SELE: variants seen among roughly 807,000 people sequenced by gnomAD.
The protein encoded by SELE is E-selectin.
In SELE, 52 loss-of-function variants were observed where a neutral mutation model predicts 75.8. The observed-to-expected ratio is 0.69, with a 90% CI of 0.55 to 0.86. The LOEUF is 0.86. Ranked by LOEUF, SELE falls within the 40% of genes least tolerant of loss-of-function variation. The pLI is 0.00. For synonymous variants in SELE, 285 were observed against 258.7 expected, an observed-to-expected ratio of 1.10 and a Z score of -0.98; for missense variants, 754 against 732.7, an observed-to-expected ratio of 1.03 and a Z score of -0.34.
chr1:169,729,640 T>C lies in SELE; in HGVS notation c.749A>G (p.Asn250Ser). 1 of 1,614,148 alleles carries C rather than the reference T, an allele frequency of 6.2e-7. No homozygotes were observed. The highest frequency in any genetic ancestry group is 8.5e-7 in the Non-Finnish European group (1 of 1,179,984). The change falls in exon 6 of 14, where the codon AAT becomes AGT. Residue 250 changes from asparagine to serine, a missense_variant. Transcript: ENST00000333360. ...GTTTTGGAAACATTCCACGAACCCA[T>C]TGGCTGGATTTGTCACAGCATCACA... ...VECDAVTNPA[N>S]GFVECFQNPG...
At chr1:169,724,773 G>T (rs1404295520) in intron 13 of SELE, among the ~76,000 whole-genome samples, 1 of 152,188 alleles carries the variant, frequency 6.6e-6, no homozygotes. Flanking sequence ...CCCATCAGTT[G>T]TAACACTAAT....
chr1:169,724,613 C>A (rs1456848197), intron 13 of SELE, 104 bp from the exon 14 acceptor site: 1 of 152,166 alleles, frequency 6.6e-6, no homozygotes. Context: ...TAGGATAGAC[C>A]ATGTAGGAAC....
chr1:169,724,974 A>G (rs980967498), intron 13 of SELE, among the ~76,000 whole-genome samples: 2 of 152,238 alleles, frequency 1.3e-5, no homozygotes, highest in African/African-American at 2.4e-5. Context: ...GTAGTTAAGA[A>G]CACAAATTTT....
Position 169,727,404 on chromosome 1 carries a change from T to A in SELE, c.1590A>T (p.Ala530=). 6.2e-7 allele frequency: 1 copy of A among 1,614,184 alleles called. No homozygotes were observed. The highest frequency in any genetic ancestry group is 1.7e-4 in the Middle Eastern group (1 of 6,060). Reference sequence around the variant, plus strand: ...GTCCTGTGGCTCCACATGTCCGAGCTGCAGAGCCATTGAGCGTCCATCCTT... The same window carrying A: ...GTCCTGTGGCTCCACATGTCCGAGCAGCAGAGCCATTGAGCGTCCATCCTT... ...CPEGWTLNGS[A]ARTCGATGHW... is the part of the protein sequence containing the mutation. The change falls in exon 10 of 14, where the codon GCA becomes GCT. Residue 530 remains alanine (A), a synonymous_variant. Coordinates refer to ENST00000333360, the MANE Select transcript of SELE (RefSeq NM_000450.2).
intron 5 of SELE, 28 bp downstream of exon 5, chr1:169,730,404 C>T (rs562144319): frequency 3.0e-5 from 45 of 1,523,686 alleles, no homozygotes; most frequent in Middle Eastern, 1.8e-4. Context: ...AGTTACAGAA[C>T]GTTCTGTGCA....
chr1:169,730,067 G>A (rs1298200716), intron 5 of SELE, among the ~76,000 whole-genome samples: 1 of 152,064 alleles, frequency 6.6e-6, no homozygotes, highest in African/African-American at 2.4e-5. Context: ...AATTAAGAGA[G>A]AAAAAGAGAT....
chr1:169,729,026 G>A (rs1648842675), intron 7 of SELE, among the ~76,000 whole-genome samples, 160 bp downstream of exon 7: 1 of 151,594 alleles, frequency 6.6e-6, no homozygotes, highest in Admixed American at 6.6e-5. Flanking sequence ...TCCTTTCCCT[G>A]GCCAAACATT....
At chr1:169,725,961 A>G in intron 11 of SELE, 33 bp from the exon 12 acceptor site, 1 of 1,612,886 alleles carries the variant, frequency 6.2e-7, no homozygotes, top group Non-Finnish European at 8.5e-7. Context: ...CCATTAATTC[A>G]GACTAAATGA....
chr1:169,725,731 G>T lies in SELE; in HGVS notation c.*13C>A. On this transcript the variant is annotated splice_region_variant and 3_prime_UTR_variant, in exon 13 of 14. Transcript: ENST00000333360. ...CATTTGTGATTTACAAGTCTTACCT[G>T]ATTCTTTTGAACTTAAAGGATGTAA... The T allele has an allele frequency of 6.2e-7, 1 of 1,611,980 alleles. No individual in the cohort carries two copies. Among genetic ancestry groups the T allele is most frequent in the South Asian group, 1.1e-5 (1 of 90,990 alleles).
rs369541325 is a variant in SELE, at chr1:169,733,576, C to T, written c.37G>A (p.Val13Met). The change falls in exon 2 of 14, where the codon GTG becomes ATG. Residue 13 changes from valine to methionine, a missense_variant and splice_region_variant. Val to Met is a conservative substitution (Grantham distance 21). Coordinates refer to ENST00000333360, the MANE Select transcript of SELE (RefSeq NM_000450.2). ...TCTTGGTCTAATGGCACTGACTTAC[C>T]CAAAGTGAGAGCTGAGAGAAACTGT... is the stretch of plus-strand genomic sequence containing the variant. Reference protein sequence around the residue: ...ASQFLSALTLVLLIKESGAWS... With the variant: ...ASQFLSALTLMLLIKESGAWS... The T allele has an allele frequency of 1.2e-6, 2 of 1,613,612 alleles. No homozygotes were observed. The highest frequency in any genetic ancestry group is 1.3e-5 in the African/African-American group (1 of 74,876).
At position 169,730,607 on chromosome 1, in the gene SELE, A is replaced by G. The variant is rs1399220877; in HGVS notation, c.540T>C (p.Cys180=). 1.9e-6 allele frequency: 3 copies of G among 1,607,040 alleles called. No homozygotes were observed. The highest frequency in any genetic ancestry group is 2.6e-6 in the Non-Finnish European group (3 of 1,175,724). ...SGLKCEQIVN[C]TALESPEHGS... is the part of the protein sequence containing the mutation. ...CATGCTCAGGGGATTCCAGGGCTGT[A>G]CAGTTCACAACTGAAAAAGAAACCC... is the stretch of plus-strand genomic sequence containing the variant. The change falls in exon 5 of 14, where the codon TGT becomes TGC. Residue 180 remains cysteine (C), a synonymous_variant. Transcript: ENST00000333360.
rs1330997517 is a variant in SELE at position 169,727,870 on chromosome 1, G to C, written c.1337C>G (p.Ser446Cys). The change falls in exon 9 of 14, where the codon TCC becomes TGC. Residue 446 changes from serine (S) to cysteine (C), a missense_variant. By Grantham distance (112) the Ser-to-Cys change is moderately radical. Coordinates refer to ENST00000333360, the MANE Select transcript of SELE (RefSeq NM_000450.2). ...PPKGLVRCAH[S>C]PIGEFTYKSS... Reference sequence around the variant, plus strand: ...CTTGTAGGTGAATTCTCCAATAGGGGAATGAGCACACCTCACCAAACCCTT... The same window carrying C: ...CTTGTAGGTGAATTCTCCAATAGGGCAATGAGCACACCTCACCAAACCCTT... 1 of 1,614,154 alleles carries C rather than the reference G, an allele frequency of 6.2e-7. No individual in the cohort carries two copies. The highest frequency in any genetic ancestry group is 1.1e-5 in the South Asian group (1 of 91,076).
rs927880118 is a variant in SELE, at chr1:169,722,876, C to T, written c.*1649G>A. On this transcript the variant is annotated 3_prime_UTR_variant, in exon 14 of 14. Coordinates refer to ENST00000333360, the MANE Select transcript of SELE (RefSeq NM_000450.2). The stretch of plus-strand genomic sequence containing the variant: ...AAAGAAAATAACACTGTATTCCATA[C>T]ATAGCCTGATCACAGTAGTTGTTCT... 11 of 152,190 alleles carry T rather than the reference C, an allele frequency of 7.2e-5. No homozygotes were observed. Among genetic ancestry groups the T allele is most frequent in the Non-Finnish European group, 1.6e-4 (11 of 68,036 alleles). The allele number at this position is 152,190 out of a possible 1,614,324, so 9.4% of individuals were successfully genotyped here. A position where few individuals can be genotyped will look rare whatever the true frequency, so the allele number is the denominator to read the frequency against.
At position 169,726,240 on chromosome 1, in the gene SELE, C is replaced by T. The variant is rs3917431; in HGVS notation, c.1754-312G>A. 1.8e-3 allele frequency among the ~76,000 whole-genome samples: 275 copies of T among 152,304 alleles called. 2 individuals carry two copies. Among genetic ancestry groups the T allele is most frequent in the African/African-American group, 6.3e-3 (263 of 41,566 alleles). ...AATGTGAGATTTCCTATTTTGTAAACGTCAGAACTTAACTCAAAAATGTTT... is the reference window on the plus strand; with the variant it reads ...AATGTGAGATTTCCTATTTTGTAAATGTCAGAACTTAACTCAAAAATGTTT... On this transcript the variant is annotated intron_variant, in intron 11 of 13. Transcript: ENST00000333360.
intron 11 of SELE, 38 bp downstream of exon 11, chr1:169,726,661 C>A: frequency 7.1e-7 from 1 of 1,404,506 alleles, no homozygotes; most frequent in South Asian, 1.2e-5. Context: ...AATGTATTTT[C>A]AAAAACATTT....
Position 169,732,855 on chromosome 1 carries a change from A to C in SELE, c.181T>G (p.Ser61Ala). The C allele has an allele frequency of 6.2e-7, 1 of 1,614,096 alleles. No homozygotes were observed. The highest frequency in any genetic ancestry group is 8.5e-7 in the Non-Finnish European group (1 of 1,180,014). Residue 61 changes from serine (S) to alanine (A), a missense_variant, in exon 3 of 14, where the codon TCC becomes GCC. Coordinates refer to ENST00000333360, the MANE Select transcript of SELE (RefSeq NM_000450.2). Reference sequence around the variant, plus strand: ...TAACTTGGTGAATAGCTCAATATGGAGTTTAGGTACTCAATCTCTTCTTTG... The same window carrying C: ...TAACTTGGTGAATAGCTCAATATGGCGTTTAGGTACTCAATCTCTTCTTTG... ...QNKEEIEYLN[S>A]ILSYSPSYYW...
chr1:169,725,822 C>G (rs374749587), intron 12 of SELE, 21 bp from the exon 13 acceptor site: 28 of 1,613,806 alleles, frequency 1.7e-5, no homozygotes, highest in East Asian at 2.2e-5. Context: ...CATGAGAACA[C>G]TAGGTAAAGC....
chr1:169,728,137 C>T lies in SELE; in HGVS notation c.1200G>A (p.Gln400=). 1 of 1,614,226 alleles carries T rather than the reference C, an allele frequency of 6.2e-7. No individual in the cohort carries two copies. Among genetic ancestry groups the T allele is most frequent in the Non-Finnish European group, 8.5e-7 (1 of 1,180,036 alleles). Reference sequence around the variant, plus strand: ...TTTTGGATCCCTTCAACACAAAACCCTGCTCACAGGAGAACTCACAGCTGG... The same window carrying T: ...TTTTGGATCCCTTCAACACAAAACCTTGCTCACAGGAGAACTCACAGCTGG... ...YGSSCEFSCE[Q]GFVLKGSKRL... is the part of the protein sequence containing the mutation. The change falls in exon 8 of 14, where the codon CAG becomes CAA. Residue 400 remains glutamine, a synonymous_variant. Transcript: ENST00000333360.
At chr1:169,730,371 A>C in intron 5 of SELE, 61 bp downstream of exon 5, 2 of 1,375,634 alleles carry the variant, frequency 1.5e-6, no homozygotes, top group Non-Finnish European at 9.7e-7. Context: ...AGTTGAATCA[A>C]AAAACAGAAG....
Sources: allele counts gnomAD v4.1 joint callset (sites outside exome capture counted in the v4.1 genomes callset), GRCh38; gene constraint gnomAD v4.1.1; transcripts MANE v1.5; gene names NCBI Gene and HGNC (gene_info 2026-07-23, HGNC 2026-07-21).